PRIMPOL: variants seen among roughly 807,000 people sequenced by gnomAD.
PRIMPOL encodes DNA-directed primase/polymerase protein.
PRIMPOL carries 54 observed loss-of-function variants against 63.6 expected under a neutral mutation model. The ratio of observed to expected loss-of-function variants is 0.85; its 90% CI spans 0.68 to 1.07. The LOEUF is 1.07. Among genes scored for constraint, PRIMPOL ranks in the 50% least tolerant of loss-of-function variants. The pLI is 0.00. For synonymous variants in PRIMPOL, 197 were observed against 220.2 expected, an observed-to-expected ratio of 0.89 and a Z score of 0.93; for missense variants, 610 against 648.3, an observed-to-expected ratio of 0.94 and a Z score of 0.64.
At position 184,694,404 on chromosome 4, in the gene PRIMPOL, T is replaced by G. The variant is rs182206287; in HGVS notation, c.1426-118T>G. On this transcript the variant is annotated intron_variant, in intron 13 of 13. Coordinates refer to ENST00000314970, the MANE Select transcript of PRIMPOL (RefSeq NM_152683.4). ...TCGGAGACAGCATTCCTCCTGCATATTCACTTTAGTATCTGTCACTTAATA... is the reference window on the plus strand; with the variant it reads ...TCGGAGACAGCATTCCTCCTGCATAGTCACTTTAGTATCTGTCACTTAATA... 361 of 1,428,934 alleles carry G rather than the reference T, an allele frequency of 2.5e-4. No homozygotes were observed. The African/African-American group carries it at 4.7e-3, about 18-fold the overall frequency. The allele number at this position is 1,428,934 out of a possible 1,614,324, so 88.5% of individuals were successfully genotyped here. A position where few individuals can be genotyped will look rare whatever the true frequency, so the allele number is the denominator to read the frequency against.
In PRIMPOL at chr4:184,687,169, C is replaced by T. The variant is rs1368040868; in HGVS notation, c.1295+1485C>T. On this transcript the variant is annotated intron_variant, in intron 11 of 13. Coordinates refer to ENST00000314970, the MANE Select transcript of PRIMPOL (RefSeq NM_152683.4). ...CACTGCAACCTCCGCTTCCTTGATT[C>T]AAGTGATTCTCCTGCCTTAGCCTCT... Among the ~76,000 whole-genome samples the T allele has an allele frequency of 2.0e-5, 3 of 152,132 alleles. No homozygotes were observed. The East Asian group carries it at 5.8e-4, about 29-fold the overall frequency.
chr4:184,678,341 A>G lies in PRIMPOL; in HGVS notation c.954A>G (p.Lys318=), dbSNP rs532450544. Residue 318 remains lysine (K), a synonymous_variant, in exon 8 of 14, where the codon AAA becomes AAG. Coordinates refer to ENST00000314970, the MANE Select transcript of PRIMPOL (RefSeq NM_152683.4). ...EDNKFFPIQS[K]DVSDEYQYFL... ...ACAAATTTTTTCCTATACAGTCAAA[A>G]GATGTTTCTGACGAATATCAATATT... The G allele has an allele frequency of 7.0e-5, 112 of 1,608,694 alleles. 4 individuals are homozygous for G. In the South Asian group the frequency reaches 1.2e-3, roughly 18 times the overall value.
intron 3 of PRIMPOL, among the ~76,000 whole-genome samples, chr4:184,658,933 A>G (rs1439036502): frequency 1.3e-5 from 2 of 151,746 alleles, no homozygotes; most frequent in East Asian, 1.9e-4. Context: ...AGGCTCCTAC[A>G]TACATTTTTT....
chr4:184,694,262 G>T, intron 13 of PRIMPOL: 1 of 1,183,906 alleles, frequency 8.4e-7, no homozygotes, highest in Admixed American at 4.0e-5. Context: ...TTCCGTCGGG[G>T]AGTATTGAAA....
intron 3 of PRIMPOL, among the ~76,000 whole-genome samples, chr4:184,658,973 T>C (rs1394058027): frequency 2.6e-5 from 4 of 151,922 alleles, no homozygotes; most frequent in African/African-American, 9.7e-5. Context: ...TAATCAATTT[T>C]AGCCCAAATC....
rs141093426 is a variant in PRIMPOL at position 184,685,654 on chromosome 4, T to C, written c.1265T>C (p.Ile422Thr). The C allele has an allele frequency of 6.9e-6, 11 of 1,594,958 alleles. No individual in the cohort carries two copies. The highest frequency in any genetic ancestry group is 8.6e-6 in the Non-Finnish European group (10 of 1,162,814). The change falls in exon 11 of 14, where the codon ATT (isoleucine) becomes ACT (threonine). Residue 422 changes from isoleucine to threonine, a missense_variant. By Grantham distance (89) the Ile-to-Thr change is moderately conservative. This residue lies in a region of PRIMPOL where 444 missense variants were observed against 456.4 expected (regional missense o/e 0.97). Coordinates refer to ENST00000314970, the MANE Select transcript of PRIMPOL (RefSeq NM_152683.4). The part of the protein sequence containing the change: ...DICKYRWCEN[I>T]GRAHKSNNIM... ...TGTAAATATCGGTGGTGTGAAAACA[T>C]TGGAAGAGCCCATAAGAGTAATAAT...
rs73873011 is a variant in PRIMPOL at position 184,653,900 on chromosome 4, T to G, written c.-60+1800T>G. ...CTTACTGTTCTCCATTTCCTTTGCT[T>G]TTTGTAATTCAACCCTCCTGCTGGA... On this transcript the variant is annotated intron_variant, in intron 2 of 13. Transcript: ENST00000314970. 8.4e-3 allele frequency among the ~76,000 whole-genome samples: 1,284 copies of G among 152,336 alleles called. 17 individuals are homozygous for G. Among genetic ancestry groups the G allele is most frequent in the African/African-American group, 0.029 (1,216 of 41,576 alleles).
chr4:184,688,655 C>A (rs916148056), intron 11 of PRIMPOL, among the ~76,000 whole-genome samples: 1 of 152,336 alleles, frequency 6.6e-6, no homozygotes, highest in South Asian at 2.1e-4. Context: ...TTGTGAATCA[C>A]CTGCATTTTA....
At position 184,657,925 on chromosome 4, in the gene PRIMPOL, G is replaced by A. The variant is rs377636297; in HGVS notation, c.180+605G>A. On this transcript the variant is annotated intron_variant, in intron 3 of 13. Coordinates refer to ENST00000314970, the MANE Select transcript of PRIMPOL (RefSeq NM_152683.4). ...GGAGAATGGCTTGAACCCGGAAGGC[G>A]GAGTTTGCTGTGAGCCGAGATCGCG... 3.4e-4 allele frequency among the ~76,000 whole-genome samples: 52 copies of A among 152,052 alleles called. No homozygotes were observed. In the South Asian group the frequency reaches 9.5e-3, roughly 28 times the overall value.
rs546766922 is a variant in PRIMPOL, at chr4:184,694,905, T to C, written c.*126T>C. On this transcript the variant is annotated 3_prime_UTR_variant, in exon 14 of 14. Transcript: ENST00000314970. ...TATTACTTTGCTTTCCAATTTTTGT[T>C]TTTTACTTCTGTAAACCAATTTCAT... 6.4e-5 allele frequency: 54 copies of C among 840,384 alleles called. No individual in the cohort carries two copies. In the East Asian group the frequency reaches 1.4e-3, roughly 22 times the overall value. 52.1% of individuals were successfully genotyped at this position (840,384 alleles called of 1,614,324 possible).
chr4:184,688,012 T>C (rs1467047943), intron 11 of PRIMPOL, among the ~76,000 whole-genome samples: 1 of 152,244 alleles, frequency 6.6e-6, no homozygotes, highest in Non-Finnish European at 1.5e-5. Context: ...CGTTGCAGTA[T>C]GTAGCTGTTG....
chr4:184,681,513 T>C (rs1040080482), intron 8 of PRIMPOL, among the ~76,000 whole-genome samples: 1 of 152,136 alleles, frequency 6.6e-6, no homozygotes, highest in African/African-American at 2.4e-5. Context: ...GTTGTTATAC[T>C]ATATTGTTTT....
At chr4:184,670,381 A>G (rs1296667351) in intron 6 of PRIMPOL, among the ~76,000 whole-genome samples, 1 of 151,942 alleles carries the variant, frequency 6.6e-6, no homozygotes, top group Non-Finnish European at 1.5e-5. Flanking sequence ...TTGTCCTTTG[A>G]TATGTTGTGA....
chr4:184,683,449 T>C (rs1310169141), intron 9 of PRIMPOL, among the ~76,000 whole-genome samples: 1 of 152,026 alleles, frequency 6.6e-6, no homozygotes, highest in African/African-American at 2.4e-5. Context: ...TATTATTCAC[T>C]AATTTCACTA....
chr4:184,679,527 A>T (rs72689292), intron 8 of PRIMPOL, among the ~76,000 whole-genome samples: 3,006 of 152,338 alleles, frequency 0.02, 37 homozygotes, highest in Middle Eastern at 0.037. Context: ...ATACTATAGT[A>T]AGTCTTCATT....
intron 4 of PRIMPOL, among the ~76,000 whole-genome samples, 182 bp from the exon 5 acceptor site, chr4:184,661,592 G>C (rs950637640): frequency 1.3e-5 from 2 of 152,092 alleles, no homozygotes; most frequent in Non-Finnish European, 2.9e-5. Flanking sequence ...TGTAGTCCCA[G>C]CTACTCGGGA....
intron 9 of PRIMPOL, among the ~76,000 whole-genome samples, chr4:184,684,371 G>T (rs533967412): frequency 6.6e-6 from 1 of 151,832 alleles, no homozygotes; most frequent in African/African-American, 2.4e-5. Flanking sequence ...CAGGAGAATC[G>T]CTTGAACCCA....
At chr4:184,658,594 G>A (rs776050591) in intron 3 of PRIMPOL, among the ~76,000 whole-genome samples, 7 of 151,974 alleles carry the variant, frequency 4.6e-5, no homozygotes, top group East Asian at 1.9e-4. Flanking sequence ...AACAACTACC[G>A]CAGTAATTAA....
At chr4:184,668,390 C>T (rs1750660858) in intron 6 of PRIMPOL, among the ~76,000 whole-genome samples, 3 of 152,282 alleles carry the variant, frequency 2.0e-5, no homozygotes, top group African/African-American at 7.2e-5. Context: ...GATTCTGCCA[C>T]CTGTGTGCCT....
Sources: gnomAD v4.1 joint callset for allele counts (sites outside exome capture counted in the v4.1 genomes callset) on GRCh38, gnomAD v4.1.1 for gene constraint, gnomAD v4.1.1 regional missense constraint, MANE v1.5 for transcripts, NCBI Gene and HGNC (gene_info 2026-07-23, HGNC 2026-07-21) for gene names.